Variants in KYAT1 observed in about 807,000 individuals in gnomAD.
KYAT1 encodes kynurenine--oxoglutarate transaminase 1.
Under a neutral mutation model 52.4 loss-of-function variants are expected in KYAT1, and 47 were observed. That is an observed-to-expected ratio of 0.90 (90% confidence interval 0.71 to 1.14). The LOEUF (loss-of-function observed/expected upper bound fraction) is 1.14, where lower values mean the gene tolerates loss of function less well. Ranked by LOEUF, KYAT1 falls within the 50% of genes most tolerant of loss-of-function variation. The pLI is 0.00. For missense variants in KYAT1, 480 were observed against 557.9 expected, an observed-to-expected ratio of 0.86 and a Z score of 1.41; for synonymous variants, 212 against 209.6, an observed-to-expected ratio of 1.01 and a Z score of -0.10.
chr9:128,843,839 T>C (rs1468699256), intron 2 of KYAT1, among the ~76,000 whole-genome samples: 2 of 152,204 alleles, frequency 1.3e-5, no homozygotes, highest in Admixed American at 6.5e-5. Flanking sequence ...ATTGCATGAC[T>C]CCTCCTTGGA....
chr9:128,836,690 G>C, intron 7 of KYAT1, 112 bp downstream of exon 7: 1 of 1,248,982 alleles, frequency 8.0e-7, no homozygotes, highest in Non-Finnish European at 1.1e-6. Context: ...CACAGGATCT[G>C]CAGGGCTCCA....
chr9:128,857,306 C>T (rs1834784585), intron 1 of KYAT1, among the ~76,000 whole-genome samples: 1 of 152,172 alleles, frequency 6.6e-6, no homozygotes, highest in African/African-American at 2.4e-5. Context: ...ACTCAGAAAC[C>T]GATGCTGGTG....
chr9:128,859,268 G>A (rs1297059211), intron 1 of KYAT1, among the ~76,000 whole-genome samples: 1 of 152,004 alleles, frequency 6.6e-6, no homozygotes, highest in African/African-American at 2.4e-5. Context: ...GGCTGAGGCA[G>A]GAGAATGTCG....
intron 1 of KYAT1, among the ~76,000 whole-genome samples, chr9:128,858,920 ATTGC>A (rs550565308): frequency 1.5e-3 from 226 of 148,018 alleles, no homozygotes; most frequent in African/African-American, 5.2e-3. Context: ...AGGCAAGGGA[ATTGC>A]TTGGAGGCTA....
At chr9:128,875,168 T>C (rs1837796007) in intron 1 of KYAT1, among the ~76,000 whole-genome samples, 1 of 152,164 alleles carries the variant, frequency 6.6e-6, no homozygotes, top group African/African-American at 2.4e-5. Flanking sequence ...TTTCCCAAAC[T>C]GTGAACAGCT....
chr9:128,880,057 CT>C (rs1212315372), intron 1 of KYAT1, among the ~76,000 whole-genome samples: 2 of 152,224 alleles, frequency 1.3e-5, no homozygotes, highest in African/African-American at 4.8e-5. Flanking sequence ...CCTCACTTAT[CT>C]GTAAAATGAG....
At position 128,837,684 on chromosome 9, in the gene KYAT1, C is replaced by A. The variant is rs772231464; in HGVS notation, c.567+1G>T. 5.0e-6 allele frequency: 8 copies of A among 1,614,000 alleles called. No homozygotes were observed. In the East Asian group the frequency reaches 1.6e-4, roughly 31 times the overall value. On this transcript the variant is annotated splice_donor_variant, in intron 6 of 12. Transcript: ENST00000302586. LOFTEE classifies it high-confidence loss of function. ...GCCAGGGAAGGAGGTCCCTCCAGTACCTTGCCCAGGGGGTTGTTGGGGGTG... is the reference window on the plus strand; with the variant it reads ...GCCAGGGAAGGAGGTCCCTCCAGTAACTTGCCCAGGGGGTTGTTGGGGGTG...
Position 128,833,254 on chromosome 9 carries a change from C to T in KYAT1, c.*330G>A. 2.1e-6 allele frequency: 1 copy of T among 468,586 alleles called. No individual in the cohort carries two copies. Among genetic ancestry groups the T allele is most frequent in the East Asian group, 4.0e-5 (1 of 25,236 alleles). The allele number at this position is 468,586 out of a possible 1,614,324, so 29.0% of individuals were successfully genotyped here. On this transcript the variant is annotated 3_prime_UTR_variant, in exon 13 of 13. Transcript: ENST00000302586. ...GAGCCTTAGCAGGGGCCATGCAGAG[C>T]TGGGATGTGATCGGTACATGGTGGA... is the stretch of plus-strand genomic sequence containing the variant.
chr9:128,846,413 G>T (rs1833100276), intron 1 of KYAT1, among the ~76,000 whole-genome samples: 2 of 151,868 alleles, frequency 1.3e-5, no homozygotes, highest in South Asian at 4.2e-4. Context: ...CTGAGCATTA[G>T]AGTGAAACTC....
intron 1 of KYAT1, chr9:128,860,440 T>G (rs971986268): frequency 6.6e-6 from 1 of 152,272 alleles, no homozygotes; most frequent in African/African-American, 2.4e-5. Context: ...GGAAGGTTTC[T>G]GCTCTGGCAA....
rs149592236 is a variant in KYAT1 at position 128,837,022 on chromosome 9, G to A, written c.568-100C>T. 3.8e-3 allele frequency: 5,522 copies of A among 1,460,412 alleles called. 19 individuals carry two copies. The highest frequency in any genetic ancestry group is 5.4e-3 in the Middle Eastern group (30 of 5,554). 90.5% of individuals were successfully genotyped at this position (1,460,412 alleles called of 1,614,324 possible). ...AAAGAACACAGCTGCGGCCAGGTGC[G>A]GTGGCTCACGCCTGTAATCCTAGCA... On this transcript the variant is annotated intron_variant, in intron 6 of 12. Transcript: ENST00000302586.
At chr9:128,857,486 T>G (rs1354239306) in intron 1 of KYAT1, among the ~76,000 whole-genome samples, 1 of 152,152 alleles carries the variant, frequency 6.6e-6, no homozygotes, top group Non-Finnish European at 1.5e-5. Flanking sequence ...TGAAATTACA[T>G]GCGTGAGCCA....
chr9:128,882,092 T>C (rs1287445517), upstream of KYAT1: 1 of 152,248 alleles, frequency 6.6e-6, no homozygotes, highest in East Asian at 1.9e-4. Flanking sequence ...GCCGCCGCGT[T>C]CGCGCCCGGC....
intron 1 of KYAT1, among the ~76,000 whole-genome samples, chr9:128,851,806 G>A (rs200608414): frequency 6.6e-6 from 1 of 152,206 alleles, no homozygotes; most frequent in African/African-American, 2.4e-5. Context: ...TCAACGCAAA[G>A]TGTTGACTAC....
intron 8 of KYAT1, 41 bp downstream of exon 8, chr9:128,835,956 A>T: frequency 6.2e-7 from 1 of 1,602,460 alleles, no homozygotes; most frequent in Non-Finnish European, 8.5e-7. Context: ...CTTGCCAAGG[A>T]TCTTGCAGGG....
chr9:128,879,305 G>A (rs1246857456), intron 1 of KYAT1, among the ~76,000 whole-genome samples: 1 of 150,786 alleles, frequency 6.6e-6, no homozygotes, highest in Non-Finnish European at 1.5e-5. Context: ...GTGAGACTCC[G>A]TCTCAAAAAA....
chr9:128,842,599 G>A, intron 3 of KYAT1, 55 bp downstream of exon 3: 1 of 1,569,866 alleles, frequency 6.4e-7, no homozygotes, highest in African/African-American at 1.4e-5. Context: ...TTGAAGTCCA[G>A]AAAGCCCTGT....
chr9:128,836,667 G>A, intron 7 of KYAT1, 135 bp downstream of exon 7: 2 of 1,001,230 alleles, frequency 2.0e-6, no homozygotes, highest in Non-Finnish European at 2.9e-6. Context: ...TGTGTACTCT[G>A]GGAGGCAAAG....
At chr9:128,870,808 C>T (rs1837117179) in intron 1 of KYAT1, among the ~76,000 whole-genome samples, 2 of 151,882 alleles carry the variant, frequency 1.3e-5, no homozygotes, top group South Asian at 2.1e-4. Context: ...TTGATGGGTA[C>T]GGAGTGTTTT....
Sources: allele counts gnomAD v4.1 joint callset (sites outside exome capture counted in the v4.1 genomes callset), GRCh38; gene constraint gnomAD v4.1.1; transcripts MANE v1.5; gene names NCBI Gene and HGNC (gene_info 2026-07-23, HGNC 2026-07-21).